The following PCNT variants were observed in gnomAD, a reference collection of about 807,000 sequenced individuals.
PCNT encodes the protein kendrin.
Under a neutral mutation model 380.4 loss-of-function variants are expected in PCNT, and 319 were observed. The observed-to-expected ratio is 0.84, with a 90% CI of 0.77 to 0.92. The LOEUF is 0.92. PCNT is among the 40% of genes least tolerant of loss of function. The pLI, the probability that PCNT is intolerant of heterozygous loss-of-function variation, is 0.00. For missense variants in PCNT, 4,400 were observed against 4,255.3 expected (o/e 1.03, Z -0.95); for synonymous variants, 1,845 against 1,735.2 (o/e 1.06, Z -1.57).
At chr21:46,426,093 T>TACCAGG in intron 33 of PCNT, 122 bp downstream of exon 33, 2 of 994,820 alleles carry the variant, frequency 2.0e-6, no homozygotes, top group Non-Finnish European at 2.7e-6. Flanking sequence ...TTTTTTTTTT[T>TACCAGG]TTTGAGACTC....
At chr21:46,367,189 C>T (rs1291849631) in intron 15 of PCNT, 50 bp downstream of exon 15, 4 of 1,504,772 alleles carry the variant, frequency 2.7e-6, no homozygotes, top group Middle Eastern at 2.0e-4. Flanking sequence ...CTCCTCGCTG[C>T]CTGTGTGTTT....
chr21:46,407,084 T>A (rs770218628), intron 27 of PCNT, among the ~76,000 whole-genome samples: 28 of 152,340 alleles, frequency 1.8e-4, no homozygotes, highest in Non-Finnish European at 3.5e-4. Context: ...TAAAATAGAT[T>A]GGGAATTTTT....
intron 15 of PCNT, among the ~76,000 whole-genome samples, chr21:46,369,492 T>A (rs2085044647): frequency 6.6e-6 from 1 of 152,248 alleles, no homozygotes; most frequent in East Asian, 1.9e-4. Flanking sequence ...AGCTTCAGTT[T>A]CCTTTCGTTC....
rs201685331 is a variant in PCNT at position 46,432,232 on chromosome 21, G to T, written c.8751+17G>T. ...GAGAAGCTGGTGAGAGCCGCCTGCC[G>T]GCGGAGCGTCCACACCTAAAAACGA... On this transcript the variant is annotated intron_variant, in intron 38 of 46. Coordinates refer to ENST00000359568, the MANE Select transcript of PCNT (RefSeq NM_006031.6). The T allele has an allele frequency of 6.3e-7, 1 of 1,595,480 alleles. No individual in the cohort carries two copies. Among genetic ancestry groups the T allele is most frequent in the Admixed American group, 1.8e-5 (1 of 56,866 alleles).
At chr21:46,397,572 C>T (rs373955422) in intron 22 of PCNT, 78 bp downstream of exon 22, 27 of 1,215,058 alleles carry the variant, frequency 2.2e-5, no homozygotes, top group Middle Eastern at 3.7e-4. Context: ...CAGATCGTTA[C>T]GTAAGCTTCT....
At position 46,425,726 on chromosome 21, in the gene PCNT, C is replaced by A; in HGVS notation, c.7180-105C>A. Reference sequence around the variant, plus strand: ...CGGTGCCCTCCCTCTCCACAGCTGCCCGCCCTTCACAGAGTCCTGGCGGCA... The same window carrying A: ...CGGTGCCCTCCCTCTCCACAGCTGCACGCCCTTCACAGAGTCCTGGCGGCA... On this transcript the variant is annotated intron_variant, in intron 32 of 46. Transcript: ENST00000359568. The surrounding 1 kb of genome is among the most constrained non-coding windows in gnomAD (Gnocchi z 4.2). 6.5e-7 allele frequency: 1 copy of A among 1,537,394 alleles called. No individual in the cohort carries two copies. Among genetic ancestry groups the A allele is most frequent in the Non-Finnish European group, 8.9e-7 (1 of 1,120,600 alleles).
intron 11 of PCNT, among the ~76,000 whole-genome samples, chr21:46,354,470 A>C (rs1254704825): frequency 1.3e-5 from 2 of 152,082 alleles, no homozygotes; most frequent in Non-Finnish European, 1.5e-5. Context: ...GACTTCTGTC[A>C]CCTTTAACTT....
At chr21:46,409,190 C>CTTTTTTTTTT (rs11399485) in intron 27 of PCNT, among the ~76,000 whole-genome samples, 16 of 123,978 alleles carry the variant, frequency 1.3e-4, no homozygotes, top group East Asian at 2.4e-4. Flanking sequence ...AAACTTTTTA[C>CTTTTTTTTTT]TTTTTTTTTT....
chr21:46,328,326 G>A (rs889622456), intron 2 of PCNT, among the ~76,000 whole-genome samples: 13 of 149,808 alleles, frequency 8.7e-5, no homozygotes, highest in African/African-American at 4.9e-5. Flanking sequence ...GCAGTGACGC[G>A]AACTCTGCTC....
In PCNT at chr21:46,428,593, G is replaced by C. The variant is rs955395192; in HGVS notation, c.7690+3G>C. The C allele has an allele frequency of 1.0e-5, 16 of 1,592,312 alleles. No individual in the cohort carries two copies. Among genetic ancestry groups the C allele is most frequent in the African/African-American group, 4.0e-5 (3 of 74,814 alleles). ...GGAGCACCAGCTGCGCAGGCAGGGTGGGTGTCACTGTCTACACTGCCTGGG... is the reference window on the plus strand; with the variant it reads ...GGAGCACCAGCTGCGCAGGCAGGGTCGGTGTCACTGTCTACACTGCCTGGG... On this transcript the variant is annotated splice_donor_region_variant and intron_variant, in intron 35 of 46. Transcript: ENST00000359568.
chr21:46,421,241 A>C (rs959566364), intron 31 of PCNT, among the ~76,000 whole-genome samples: 2 of 152,186 alleles, frequency 1.3e-5, no homozygotes, highest in Non-Finnish European at 2.9e-5. Context: ...CAAGTGCTGC[A>C]GCCTCCGCTC....
chr21:46,442,836 A>T lies in PCNT; in HGVS notation c.9700+263A>T, dbSNP rs1601224836. The T allele has an allele frequency of 7.4e-6, 4 of 540,710 alleles. No individual in the cohort carries two copies. In the East Asian group the frequency reaches 1.3e-4, roughly 17 times the overall value. The allele number at this position is 540,710 out of a possible 1,614,324, so 33.5% of individuals were successfully genotyped here. A position where few individuals can be genotyped will look rare whatever the true frequency, so the allele number is the denominator to read the frequency against. ...AGATGCTCAATATATTGATTATTTA[A>T]TAGTGTTTAGCAAAATGGTCTTTTT... On this transcript the variant is annotated intron_variant, in intron 44 of 46. Transcript: ENST00000359568.
intron 16 of PCNT, among the ~76,000 whole-genome samples, chr21:46,382,058 CCAT>C: frequency 2.2e-4 from 26 of 116,802 alleles, no homozygotes; most frequent in African/African-American, 7.6e-4. Flanking sequence ...AGCGCATTCA[CCAT>C]GTTGTATATT....
chr21:46,349,761 C>T lies in PCNT; in HGVS notation c.1285C>T (p.Arg429Trp), dbSNP rs766839662. ...TGAAGACCTGCAGTCCGAGCACGGC[C>T]GGTGTTTAGAAGACTTGGAGTTCAA... ...LREDLQSEHGRCLEDLEFKFK... is the reference protein window; with the variant it reads ...LREDLQSEHGWCLEDLEFKFK... The change falls in exon 8 of 47, where the codon CGG becomes TGG. Residue 429 changes from arginine (R) to tryptophan (W), a missense_variant. By Grantham distance (101) the Arg-to-Trp change is moderately radical. Transcript: ENST00000359568. The T allele has an allele frequency of 1.5e-5, 24 of 1,613,756 alleles. No homozygotes were observed. The highest frequency in any genetic ancestry group is 4.0e-5 in the African/African-American group (3 of 74,848).
In PCNT at chr21:46,438,161, A is replaced by G; in HGVS notation, c.9100-3A>G. The G allele has an allele frequency of 6.2e-7, 1 of 1,612,522 alleles. No homozygotes were observed. The highest frequency in any genetic ancestry group is 1.1e-5 in the South Asian group (1 of 90,978). On this transcript the variant is annotated splice_region_variant and splice_polypyrimidine_tract_variant and intron_variant, in intron 40 of 46. Transcript: ENST00000359568. ...CTTACAAATTTATTTTCTTTTCTCCAAGAAAAAAATGGCAGCAGAGCTGCA... is the reference window on the plus strand; with the variant it reads ...CTTACAAATTTATTTTCTTTTCTCCGAGAAAAAAATGGCAGCAGAGCTGCA...
At chr21:46,439,625 CAGA>C (rs2053554913) in intron 41 of PCNT, among the ~76,000 whole-genome samples, 2 of 152,186 alleles carry the variant, frequency 1.3e-5, no homozygotes, top group African/African-American at 4.8e-5. Flanking sequence ...ACGTTTGGTA[CAGA>C]CACATCGTTT....
chr21:46,405,482 G>C (rs1418759381), intron 27 of PCNT, among the ~76,000 whole-genome samples: 1 of 152,342 alleles, frequency 6.6e-6, no homozygotes, highest in South Asian at 2.1e-4. Flanking sequence ...CAGATCACTT[G>C]AGCTCAGGAG....
At position 46,363,884 on chromosome 21, in the gene PCNT, G is replaced by A. The variant is rs757405970; in HGVS notation, c.2559G>A (p.Ala853=). The A allele has an allele frequency of 3.3e-5, 53 of 1,610,740 alleles. No individual in the cohort carries two copies. In the African/African-American group the frequency reaches 4.5e-4, roughly 14 times the overall value. ...PPTAQDGELA[A]LHVKEDCALQ... Reference sequence around the variant, plus strand: ...CAGCCCAGGACGGGGAGCTTGCTGCGCTCCACGTGAAGGAAGACTGCGCCC... The same window carrying A: ...CAGCCCAGGACGGGGAGCTTGCTGCACTCCACGTGAAGGAAGACTGCGCCC... Residue 853 remains alanine (A), a synonymous_variant, in exon 14 of 47, where the codon GCG becomes GCA. Transcript: ENST00000359568.
intron 21 of PCNT, among the ~76,000 whole-genome samples, chr21:46,396,971 C>G (rs1042309067): frequency 4.6e-5 from 7 of 152,178 alleles, no homozygotes; most frequent in Admixed American, 4.6e-4. Flanking sequence ...CCCAGGCTCT[C>G]AGCACCGTCC....
Sources: allele counts gnomAD v4.1 joint callset (sites outside exome capture counted in the v4.1 genomes callset), GRCh38; gene constraint gnomAD v4.1.1; non-coding constraint Gnocchi (gnomAD v3.1); transcripts MANE v1.5; gene names NCBI Gene and HGNC (gene_info 2026-07-23, HGNC 2026-07-21).